Variants in HECW1 observed in about 807,000 individuals in gnomAD.
HECW1 encodes the protein HECT, C2 and WW domain containing E3 ubiquitin protein ligase 1, also known as E3 ubiquitin-protein ligase HECW1.
A neutral mutation model predicts 182.3 loss-of-function variants in HECW1; 61 were observed. That is an observed-to-expected ratio of 0.33 (90% confidence interval 0.27 to 0.41). The LOEUF (loss-of-function observed/expected upper bound fraction) is 0.41, where lower values mean the gene tolerates loss of function less well. Among genes scored for constraint, HECW1 ranks in the 10% least tolerant of loss-of-function variants. The probability of loss-of-function intolerance (pLI) is 1.00; values close to 1 mark genes in which losing one functional copy is unlikely to be tolerated. For missense variants in HECW1, 1,739 were observed against 2,108.9 expected, an observed-to-expected ratio of 0.82 and a Z score of 3.44; for synonymous variants, 859 against 832.6, an observed-to-expected ratio of 1.03 and a Z score of -0.55.
At position 43,373,201 on chromosome 7, in the gene HECW1, C is replaced by CTT. The variant is rs71562094; in HGVS notation, c.555+12240_555+12241dup. On this transcript the variant is annotated intron_variant, in intron 6 of 29. Coordinates refer to ENST00000395891, the MANE Select transcript of HECW1 (RefSeq NM_015052.5). ...ACGTTGGTGTCGTTCTGCCTTCTTCCTTTTTTTTTTTTTTTTTTTTCTTTT... is the reference window on the plus strand; with the variant it reads ...ACGTTGGTGTCGTTCTGCCTTCTTCCTTTTTTTTTTTTTTTTTTTTTTCTTTT... Among the ~76,000 whole-genome samples, 369 of 125,988 alleles carry CTT rather than the reference C, an allele frequency of 2.9e-3. 2 individuals carry two copies. The highest frequency in any genetic ancestry group is 8.5e-3 in the African/African-American group (284 of 33,342). The allele number at this position is 125,988 out of a possible 152,430, so 82.7% of individuals were successfully genotyped here.
chr7:43,335,484 C>G (rs577621947), intron 5 of HECW1, among the ~76,000 whole-genome samples: 17 of 152,198 alleles, frequency 1.1e-4, no homozygotes, highest in Non-Finnish European at 2.2e-4. Flanking sequence ...AGCAAGAAGG[C>G]AGCCATCTGC....
chr7:43,273,490 A>C (rs1345383322), intron 3 of HECW1, among the ~76,000 whole-genome samples: 1 of 152,198 alleles, frequency 6.6e-6, no homozygotes, highest in Non-Finnish European at 1.5e-5. Flanking sequence ...TATATTAAAC[A>C]ATAAGTATTA....
intron 13 of HECW1, among the ~76,000 whole-genome samples, chr7:43,460,442 T>G (rs140666592): frequency 0.015 from 2,330 of 152,274 alleles, 57 homozygotes; most frequent in African/African-American, 0.053. Flanking sequence ...TTGGGCTTTT[T>G]TAAAGGGGGG....
chr7:43,487,888 G>T (rs779608959), intron 17 of HECW1, among the ~76,000 whole-genome samples: 2 of 152,080 alleles, frequency 1.3e-5, no homozygotes, highest in East Asian at 3.9e-4. Context: ...GGGCCCAGGA[G>T]TTTGAGCTTG....
intron 2 of HECW1, chr7:43,162,983 G>A (rs1790710458): frequency 6.6e-6 from 1 of 152,200 alleles, no homozygotes; most frequent in Non-Finnish European, 1.5e-5. Flanking sequence ...CATGAGCAGT[G>A]AGCAGAGGAG....
At chr7:43,256,943 A>C (rs1800649410) in intron 3 of HECW1, among the ~76,000 whole-genome samples, 1 of 152,254 alleles carries the variant, frequency 6.6e-6, no homozygotes, top group African/African-American at 2.4e-5. Context: ...TTGAGAGCTA[A>C]GCATTTTAGA....
chr7:43,262,982 A>G (rs1030495252), intron 3 of HECW1, among the ~76,000 whole-genome samples: 3 of 152,218 alleles, frequency 2.0e-5, no homozygotes, highest in Non-Finnish European at 4.4e-5. Flanking sequence ...AAGGCTACAC[A>G]TTTGTATGTA....
At chr7:43,118,520 C>T (rs1785265205) in intron 2 of HECW1, 2 of 152,354 alleles carry the variant, frequency 1.3e-5, no homozygotes, top group South Asian at 2.1e-4. Context: ...CAAGTGATTC[C>T]TCATCCTCTT....
chr7:43,393,003 C>T (rs1330082391), intron 6 of HECW1, among the ~76,000 whole-genome samples: 2 of 152,172 alleles, frequency 1.3e-5, no homozygotes, highest in African/African-American at 4.8e-5. Flanking sequence ...AGAAAGACAT[C>T]TGAATTAACC....
chr7:43,246,744 C>T (rs959157605), intron 3 of HECW1, among the ~76,000 whole-genome samples: 3 of 152,240 alleles, frequency 2.0e-5, no homozygotes, highest in Admixed American at 6.5e-5. Context: ...TGACTGGCAT[C>T]TCTGTGTCTG....
chr7:43,419,106 C>G (rs1364200001), intron 8 of HECW1, among the ~76,000 whole-genome samples: 1 of 152,210 alleles, frequency 6.6e-6, no homozygotes, highest in Non-Finnish European at 1.5e-5. Flanking sequence ...GTTTGGGGCT[C>G]TCCTTTGGCT....
At chr7:43,180,726 A>C (rs1792767103) in intron 2 of HECW1, among the ~76,000 whole-genome samples, 1 of 152,196 alleles carries the variant, frequency 6.6e-6, no homozygotes, top group Admixed American at 6.5e-5. Flanking sequence ...GACACATAAT[A>C]ATTATACATG....
chr7:43,390,771 C>T lies in HECW1; in HGVS notation c.556-6043C>T, dbSNP rs73328038. On this transcript the variant is annotated intron_variant, in intron 6 of 29. Transcript: ENST00000395891. ...GTTGTGGCAGGCCAGGTCTCACTAA[C>T]ACAGGCCTCCGTTACAACTGTCCCA... Among the ~76,000 whole-genome samples, 692 of 152,170 alleles carry T rather than the reference C, an allele frequency of 4.5e-3. 5 individuals are homozygous for T. The highest frequency in any genetic ancestry group is 0.016 in the African/African-American group (657 of 41,512).
intron 2 of HECW1, among the ~76,000 whole-genome samples, chr7:43,187,849 A>G (rs11762154): frequency 0.24 from 36,640 of 151,998 alleles, 4,612 homozygotes; most frequent in Middle Eastern, 0.27. Flanking sequence ...TCCTACCCCA[A>G]AACTACACTA....
intron 2 of HECW1, among the ~76,000 whole-genome samples, chr7:43,198,317 CACTT>C (rs1258924464): frequency 6.0e-5 from 9 of 149,764 alleles, no homozygotes; most frequent in East Asian, 2.0e-4. Context: ...CCTACACTGT[CACTT>C]ACACACACAT....
rs1802609060 is a variant in HECW1, at chr7:43,273,054, C to A, written c.27+29122C>A. On this transcript the variant is annotated intron_variant, in intron 3 of 29. Transcript: ENST00000395891. ...GCAGCGGGAGGCCATTAATACTAAG[C>A]AAATTAGTGCAGGAACAGAAAACCA... Among the ~76,000 whole-genome samples the A allele has an allele frequency of 2.6e-5, 4 of 152,242 alleles. No individual in the cohort carries two copies. In the South Asian group the frequency reaches 8.3e-4, roughly 32 times the overall value.
intron 17 of HECW1, among the ~76,000 whole-genome samples, chr7:43,491,382 A>G (rs1410450838): frequency 6.6e-6 from 1 of 152,232 alleles, no homozygotes; most frequent in African/African-American, 2.4e-5. Context: ...CAGTGAATGC[A>G]ATAACAGGCA....
At chr7:43,408,846 C>T (rs2075701785) in intron 8 of HECW1, among the ~76,000 whole-genome samples, 1 of 152,110 alleles carries the variant, frequency 6.6e-6, no homozygotes, top group African/African-American at 2.4e-5. Context: ...TACAGTTTTA[C>T]AGTCATAGAA....
At chr7:43,345,791 C>CAT (rs71562090) in intron 5 of HECW1, among the ~76,000 whole-genome samples, 5,252 of 45,038 alleles carry the variant, frequency 0.12, 97 homozygotes, top group Middle Eastern at 0.19. Flanking sequence ...AGTATTCCAT[C>CAT]ATATATATAC....
Sources: allele counts gnomAD v4.1 joint callset (sites outside exome capture counted in the v4.1 genomes callset), GRCh38; gene constraint gnomAD v4.1.1; transcripts MANE v1.5; gene names NCBI Gene and HGNC (gene_info 2026-07-23, HGNC 2026-07-21).